ALG9: variants seen among roughly 807,000 people sequenced by gnomAD.
The protein encoded by ALG9 is ALG9 alpha-1,2-mannosyltransferase.
In ALG9, 55 loss-of-function variants were observed where a neutral mutation model predicts 81.8. The ratio of observed to expected loss-of-function variants is 0.67; its 90% CI spans 0.54 to 0.84. The LOEUF (loss-of-function observed/expected upper bound fraction) is 0.84, where lower values mean the gene tolerates loss of function less well. Ranked by LOEUF, ALG9 falls within the 40% of genes least tolerant of loss-of-function variation. The pLI, the probability that ALG9 is intolerant of heterozygous loss-of-function variation, is 0.00. For missense variants in ALG9, 629 were observed against 745.0 expected, an observed-to-expected ratio of 0.84 and a Z score of 1.81; for synonymous variants, 278 against 274.3, an observed-to-expected ratio of 1.01 and a Z score of -0.13.
chr11:111,862,523 C>T (rs117522825), intron 4 of ALG9, among the ~76,000 whole-genome samples: 4,320 of 151,498 alleles, frequency 0.029, 132 homozygotes, highest in Admixed American at 0.081. Context: ...CATAAAACAC[C>T]GTGCCCAGCC....
Position 111,870,971 on chromosome 11 carries a change from T to C in ALG9, c.131+381A>G, listed in dbSNP as rs1348361906. 1.3e-5 allele frequency: 13 copies of C among 1,018,532 alleles called. No individual in the cohort carries two copies. The African/African-American group carries it at 1.7e-4, about 13-fold the overall frequency. The allele number at this position is 1,018,532 out of a possible 1,614,324, so 63.1% of individuals were successfully genotyped here. A position where few individuals can be genotyped will look rare whatever the true frequency, so the allele number is the denominator to read the frequency against. On this transcript the variant is annotated intron_variant, in intron 1 of 14. Transcript: ENST00000616540. ...GCCTCCAGGGTTTGGGAAGAGGTGA[T>C]GGCGGGTTGGATGGGCCCAGTAAAG...
intron 14 of ALG9, among the ~76,000 whole-genome samples, chr11:111,807,669 C>T (rs1303822907): frequency 6.6e-6 from 1 of 152,194 alleles, no homozygotes. Flanking sequence ...TAGAACATTG[C>T]AGGCTCTCAA....
chr11:111,852,678 G>A (rs529946152), intron 8 of ALG9, among the ~76,000 whole-genome samples: 56 of 152,284 alleles, frequency 3.7e-4, no homozygotes, highest in African/African-American at 1.3e-3. Flanking sequence ...GCTCATGCCT[G>A]TAATCCCAGC....
At chr11:111,867,507 T>C (rs574531033) in intron 3 of ALG9, among the ~76,000 whole-genome samples, 1 of 151,874 alleles carries the variant, frequency 6.6e-6, no homozygotes, top group African/African-American at 2.4e-5. Flanking sequence ...TTAGAAGATA[T>C]AAAGAAAAAC....
At chr11:111,801,280 T>A (rs997166946) in intron 14 of ALG9, among the ~76,000 whole-genome samples, 3 of 152,222 alleles carry the variant, frequency 2.0e-5, no homozygotes, top group African/African-American at 7.2e-5. Flanking sequence ...GACAGTACAG[T>A]CTACCTTAAT....
At chr11:111,860,491 G>A (rs1166345249) in intron 5 of ALG9, 56 bp downstream of exon 5, 3 of 1,409,930 alleles carry the variant, frequency 2.1e-6, no homozygotes, top group Non-Finnish European at 3.0e-6. Context: ...TCCCTCATCT[G>A]CCCTTTTACT....
chr11:111,786,243 G>T lies in ALG9; in HGVS notation c.*154C>A. On this transcript the variant is annotated 3_prime_UTR_variant, in exon 15 of 15. Transcript: ENST00000616540. The stretch of plus-strand genomic sequence containing the variant: ...GCAAATGTGACTTTGATTAGACTTT[G>T]AAATAGACTTTGACTAGCCCAGAGC... The T allele has an allele frequency of 8.2e-7, 1 of 1,225,360 alleles. No individual in the cohort carries two copies. The highest frequency in any genetic ancestry group is 1.2e-6 in the Non-Finnish European group (1 of 837,634). 75.9% of individuals were successfully genotyped at this position (1,225,360 alleles called of 1,614,324 possible).
Position 111,844,730 on chromosome 11 carries a change from G to A in ALG9, c.896-7C>T, listed in dbSNP as rs113101286. 14 of 1,613,410 alleles carry A rather than the reference G, an allele frequency of 8.7e-6. No homozygotes were observed. The highest frequency in any genetic ancestry group is 5.3e-5 in the African/African-American group (4 of 75,036). ...AAATACCAGGGTTCTGTACCTGAGGGAGACATAAAGGTAAGAAATCATTAG... is the reference window on the plus strand; with the variant it reads ...AAATACCAGGGTTCTGTACCTGAGGAAGACATAAAGGTAAGAAATCATTAG... On this transcript the variant is annotated splice_region_variant and splice_polypyrimidine_tract_variant and intron_variant, in intron 8 of 14. Transcript: ENST00000616540.
At chr11:111,830,307 T>C (rs188043295) in intron 13 of ALG9, among the ~76,000 whole-genome samples, 47 of 152,346 alleles carry the variant, frequency 3.1e-4, no homozygotes, top group African/African-American at 1.1e-3. Flanking sequence ...TCCAGTTAAA[T>C]TTTAAAAAGT....
In ALG9 at chr11:111,857,597, C is replaced by A; in HGVS notation, c.701+5G>T. 2.5e-6 allele frequency: 4 copies of A among 1,614,118 alleles called. No individual in the cohort carries two copies. The highest frequency in any genetic ancestry group is 3.4e-6 in the Non-Finnish European group (4 of 1,180,010). On this transcript the variant is annotated splice_donor_5th_base_variant and intron_variant, in intron 6 of 14. Coordinates refer to ENST00000616540, the MANE Select transcript of ALG9 (RefSeq NM_024740.2). The stretch of plus-strand genomic sequence containing the variant: ...TATATGGGAGGAGAACTGTTAGTTT[C>A]TTACCCAAGAGCTGCACTGAATGGC...
intron 13 of ALG9, among the ~76,000 whole-genome samples, chr11:111,831,621 A>G (rs1295678490): frequency 2.6e-5 from 4 of 152,214 alleles, no homozygotes; most frequent in African/African-American, 9.7e-5. Context: ...GTATGAAAAT[A>G]ATATTGAAGA....
chr11:111,868,794 A>G, intron 2 of ALG9, 58 bp from the exon 3 acceptor site: 5 of 1,480,996 alleles, frequency 3.4e-6, no homozygotes, highest in Non-Finnish European at 3.6e-6. Context: ...TCTGTTAAGC[A>G]GATGCAAGTG....
chr11:111,805,127 A>T, intron 14 of ALG9: 1 of 364,426 alleles, frequency 2.7e-6, no homozygotes, highest in Non-Finnish European at 5.4e-6. Context: ...GGCCTTTGGA[A>T]GGGAATTAGG....
At chr11:111,831,986 A>G (rs1232574070) in intron 13 of ALG9, among the ~76,000 whole-genome samples, 1 of 152,268 alleles carries the variant, frequency 6.6e-6, no homozygotes, top group Non-Finnish European at 1.5e-5. Flanking sequence ...AAGTACACTC[A>G]GTGGAACCAA....
Position 111,860,546 on chromosome 11 carries a change from C to T in ALG9, c.565+1G>A. ...ATTCCCTCATCTGCCCTTTTACTTA[C>T]CTGATGATGAGCAAAACATGCCAGT... On this transcript the variant is annotated splice_donor_variant, in intron 5 of 14. Coordinates refer to ENST00000616540, the MANE Select transcript of ALG9 (RefSeq NM_024740.2). LOFTEE classifies it high-confidence loss of function. 6.2e-7 allele frequency: 1 copy of T among 1,613,854 alleles called. No individual in the cohort carries two copies. The highest frequency in any genetic ancestry group is 8.5e-7 in the Non-Finnish European group (1 of 1,179,776).
chr11:111,809,803 A>G (rs782138315), intron 13 of ALG9, 30 bp from the exon 14 acceptor site: 13 of 1,613,096 alleles, frequency 8.1e-6, no homozygotes, highest in Middle Eastern at 1.7e-4. Context: ...ACTCTTCATT[A>G]GTAATTTTGA....
chr11:111,869,215 C>A (rs542309883), intron 2 of ALG9, among the ~76,000 whole-genome samples: 15 of 152,068 alleles, frequency 9.9e-5, no homozygotes, highest in Non-Finnish European at 2.1e-4. Flanking sequence ...TAAATTTTAC[C>A]TTCTACTTAT....
At chr11:111,838,805 T>G (rs887986152) in intron 10 of ALG9, among the ~76,000 whole-genome samples, 2 of 152,186 alleles carry the variant, frequency 1.3e-5, no homozygotes, top group South Asian at 4.1e-4. Flanking sequence ...AAAGGTCTCA[T>G]GACCAAATAA....
At chr11:111,768,923 A>C in the ALG9 span, 1 of 151,916 alleles carries the variant, frequency 6.6e-6, no homozygotes, top group African/African-American at 2.4e-5. Context: ...CATATATTTA[A>C]TACTACCCAA....
Sources: allele counts gnomAD v4.1 joint callset (sites outside exome capture counted in the v4.1 genomes callset), GRCh38; gene constraint gnomAD v4.1.1; transcripts MANE v1.5; gene names NCBI Gene and HGNC (gene_info 2026-07-23, HGNC 2026-07-21).